GPC5: variants seen among roughly 807,000 people sequenced by gnomAD.
The protein encoded by GPC5 is glypican 5.
GPC5 carries 47 observed loss-of-function variants against 53.9 expected under a neutral mutation model. The ratio of observed to expected loss-of-function variants is 0.87; its 90% CI spans 0.69 to 1.11. GPC5 has a LOEUF of 1.11. Among genes scored for constraint, GPC5 ranks in the 50% most tolerant of loss-of-function variants. The pLI is 0.00. For missense variants in GPC5, 748 were observed against 713.1 expected (o/e 1.05, Z -0.56); for synonymous variants, 286 against 263.3 (o/e 1.09, Z -0.84).
At chr13:92,167,872 G>A (rs367664348) in intron 7 of GPC5, among the ~76,000 whole-genome samples, 44 of 146,178 alleles carry the variant, frequency 3.0e-4, no homozygotes, top group Non-Finnish European at 3.0e-4. Context: ...TTAGGACCAA[G>A]AAAAAAAAAA....
intron 2 of GPC5, among the ~76,000 whole-genome samples, chr13:91,582,495 G>A (rs1261406741): frequency 6.6e-6 from 1 of 152,024 alleles, no homozygotes; most frequent in South Asian, 2.1e-4. Context: ...ACAAAAGATA[G>A]AGACTCACAG....
chr13:91,977,845 A>G (rs2040318223), intron 6 of GPC5, among the ~76,000 whole-genome samples: 1 of 151,934 alleles, frequency 6.6e-6, no homozygotes, highest in South Asian at 2.1e-4. Flanking sequence ...GGTGCAATGG[A>G]TCATGCCTGT....
intron 7 of GPC5, among the ~76,000 whole-genome samples, chr13:92,358,103 A>G (rs988255122): frequency 2.6e-5 from 4 of 151,770 alleles, no homozygotes; most frequent in Non-Finnish European, 5.9e-5. Flanking sequence ...CTTCCAAGAT[A>G]TAATGTTGGT....
intron 7 of GPC5, among the ~76,000 whole-genome samples, chr13:92,374,880 TAAAAA>T (rs201086148): frequency 1.5e-5 from 2 of 135,002 alleles, no homozygotes; most frequent in Non-Finnish European, 1.6e-5. Context: ...AAAAAAAAAA[TAAAAA>T]AAAAAGTAAA....
intron 7 of GPC5, among the ~76,000 whole-genome samples, chr13:92,445,083 G>A (rs1400605914): frequency 6.6e-6 from 1 of 152,052 alleles, no homozygotes; most frequent in Non-Finnish European, 1.5e-5. Flanking sequence ...ACTATAGGCT[G>A]TATCATTGGT....
intron 3 of GPC5, among the ~76,000 whole-genome samples, chr13:91,700,647 C>T (rs1024229406): frequency 6.6e-6 from 1 of 152,090 alleles, no homozygotes; most frequent in African/African-American, 2.4e-5. Flanking sequence ...GCCATCTTTG[C>T]CTTTAAGTAT....
At chr13:91,793,619 C>G (rs1450534036) in intron 5 of GPC5, among the ~76,000 whole-genome samples, 1 of 152,084 alleles carries the variant, frequency 6.6e-6, no homozygotes, top group African/African-American at 2.4e-5. Flanking sequence ...CATTTTCACA[C>G]TGCTATAAAG....
rs548002774 is a variant in GPC5 at position 92,595,604 on chromosome 13, T to A, written c.1562-270678T>A. 5.9e-3 allele frequency among the ~76,000 whole-genome samples: 894 copies of A among 151,300 alleles called. 5 individuals carry two copies. The highest frequency in any genetic ancestry group is 8.1e-3 in the Non-Finnish European group (551 of 67,846). On this transcript the variant is annotated intron_variant, in intron 7 of 7. Coordinates refer to ENST00000377067, the MANE Select transcript of GPC5 (RefSeq NM_004466.6). ...TAACACGGTGAAACCCCGTCTCTAC[T>A]GAAAATACAAAAAATTAGCCGGGCG...
At chr13:92,619,276 A>C (rs1319441405) in intron 7 of GPC5, among the ~76,000 whole-genome samples, 2 of 152,098 alleles carry the variant, frequency 1.3e-5, no homozygotes, top group East Asian at 3.9e-4. Context: ...TTTTTATGTC[A>C]CATTGCATTT....
At chr13:91,622,149 G>A (rs977903569) in intron 2 of GPC5, among the ~76,000 whole-genome samples, 3 of 152,022 alleles carry the variant, frequency 2.0e-5, no homozygotes, top group Admixed American at 6.6e-5. Context: ...CAGATTGAGG[G>A]TAGGTCTACC....
intron 7 of GPC5, among the ~76,000 whole-genome samples, chr13:92,385,783 GTA>G (rs1158283728): frequency 9.0e-5 from 9 of 99,528 alleles, no homozygotes; most frequent in Non-Finnish European, 1.4e-4. Flanking sequence ...ATACATATAT[GTA>G]TATATATACA....
At chr13:92,047,558 T>C (rs1305072242) in intron 6 of GPC5, among the ~76,000 whole-genome samples, 1 of 151,656 alleles carries the variant, frequency 6.6e-6, no homozygotes, top group Non-Finnish European at 1.5e-5. Context: ...TTCTAACCTT[T>C]ATAAATCCAG....
At chr13:91,522,742 G>A (rs936004526) in intron 2 of GPC5, among the ~76,000 whole-genome samples, 12 of 151,970 alleles carry the variant, frequency 7.9e-5, no homozygotes, top group East Asian at 3.9e-4. Context: ...TTCAATTTCC[G>A]CCTATGAGTG....
chr13:92,702,100 T>C (rs187608836), intron 7 of GPC5, among the ~76,000 whole-genome samples: 1 of 152,174 alleles, frequency 6.6e-6, no homozygotes, highest in African/African-American at 2.4e-5. Context: ...TACCAAGCAC[T>C]GATCCTCCTG....
chr13:91,445,337 T>G (rs141394319), intron 1 of GPC5, among the ~76,000 whole-genome samples: 10 of 152,114 alleles, frequency 6.6e-5, no homozygotes, highest in African/African-American at 2.4e-4. Context: ...AGAAAGTGGC[T>G]AACTGGTGGG....
chr13:92,363,469 G>A (rs35609677), intron 7 of GPC5, among the ~76,000 whole-genome samples: 1,532 of 151,818 alleles, frequency 0.01, 31 homozygotes, highest in Middle Eastern at 0.048. Context: ...ATTCTCATAA[G>A]GAGTACACAA....
chr13:92,445,843 T>G (rs9561048), intron 7 of GPC5, among the ~76,000 whole-genome samples: 2 of 151,968 alleles, frequency 1.3e-5, no homozygotes, highest in Admixed American at 1.3e-4. Context: ...AATGCCAAGA[T>G]CATAGCTCAC....
At chr13:92,103,681 G>A (rs758528763) in intron 6 of GPC5, among the ~76,000 whole-genome samples, 6 of 152,170 alleles carry the variant, frequency 3.9e-5, no homozygotes, top group South Asian at 2.1e-4. Flanking sequence ...AATCCTTAAA[G>A]GCCCTGCAAC....
intron 7 of GPC5, among the ~76,000 whole-genome samples, chr13:92,722,058 A>G (rs1888522710): frequency 6.6e-6 from 1 of 152,010 alleles, no homozygotes; most frequent in Non-Finnish European, 1.5e-5. Context: ...TATATATCTC[A>G]GTATAAAATA....
Sources: allele counts gnomAD v4.1 joint callset (sites outside exome capture counted in the v4.1 genomes callset), GRCh38; gene constraint gnomAD v4.1.1; transcripts MANE v1.5; gene names NCBI Gene and HGNC (gene_info 2026-07-23, HGNC 2026-07-21).